Variants in MARCHF1 observed in about 807,000 individuals in gnomAD.
MARCHF1 encodes E3 ubiquitin-protein ligase MARCHF1.
A neutral mutation model predicts 54.2 loss-of-function variants in MARCHF1; 40 were observed. That is an observed-to-expected ratio of 0.74 (90% CI 0.57 to 0.96). The LOEUF (loss-of-function observed/expected upper bound fraction) is 0.96, where lower values mean the gene tolerates loss of function less well. MARCHF1 is among the 40% of genes least tolerant of loss of function. The pLI is 0.00. For synonymous variants in MARCHF1, 236 were observed against 236.3 expected, an observed-to-expected ratio of 1.00 and a Z score of 0.01; for missense variants, 586 against 656.5, an observed-to-expected ratio of 0.89 and a Z score of 1.17.
chr4:164,072,261 C>A (rs1283740869), intron 2 of MARCHF1, among the ~76,000 whole-genome samples: 1 of 152,170 alleles, frequency 6.6e-6, no homozygotes, highest in Admixed American at 6.5e-5. Context: ...TTCATGTTTT[C>A]TCATCAGTGT....
intron 4 of MARCHF1, among the ~76,000 whole-genome samples, chr4:163,838,584 G>A (rs538265126): frequency 6.6e-6 from 1 of 152,138 alleles, no homozygotes; most frequent in East Asian, 1.9e-4. Context: ...AAATGGCAGA[G>A]AGAAAATAAT....
intron 1 of MARCHF1, among the ~76,000 whole-genome samples, chr4:164,368,583 A>G (rs1294466893): frequency 6.6e-6 from 1 of 152,198 alleles, no homozygotes; most frequent in Non-Finnish European, 1.5e-5. Flanking sequence ...ATTTCTTGAT[A>G]TAGCTACAAC....
At chr4:164,323,754 T>C (rs1735203560) in intron 1 of MARCHF1, among the ~76,000 whole-genome samples, 1 of 151,636 alleles carries the variant, frequency 6.6e-6, no homozygotes, top group East Asian at 1.9e-4. Flanking sequence ...AATAACATAC[T>C]TCTTAGCAAC....
At chr4:164,015,609 C>A (rs778999727) in intron 2 of MARCHF1, among the ~76,000 whole-genome samples, 1 of 151,404 alleles carries the variant, frequency 6.6e-6, no homozygotes, top group Non-Finnish European at 1.5e-5. Context: ...AACTCAATAG[C>A]AAAACAAACA....
At chr4:163,646,861 C>G (rs1396350387) in intron 5 of MARCHF1, among the ~76,000 whole-genome samples, 1 of 152,004 alleles carries the variant, frequency 6.6e-6, no homozygotes, top group Non-Finnish European at 1.5e-5. Context: ...AAAAGATCCA[C>G]AAAACAATCT....
chr4:163,534,622 C>G (rs1260202431), intron 9 of MARCHF1, among the ~76,000 whole-genome samples: 1 of 151,946 alleles, frequency 6.6e-6, no homozygotes, highest in South Asian at 2.1e-4. Flanking sequence ...GAAAACAAAT[C>G]GTCAAGAAAA....
chr4:163,544,818 T>C (rs1182565946), intron 9 of MARCHF1, among the ~76,000 whole-genome samples: 2 of 152,198 alleles, frequency 1.3e-5, no homozygotes, highest in Admixed American at 1.3e-4. Flanking sequence ...CAATGTCTTT[T>C]CTAGAGGCAT....
At chr4:163,532,104 G>T (rs1376459992) in intron 9 of MARCHF1, among the ~76,000 whole-genome samples, 1 of 151,804 alleles carries the variant, frequency 6.6e-6, no homozygotes, top group Non-Finnish European at 1.5e-5. Flanking sequence ...TGATTCTAAA[G>T]TGTATATGGA....
chr4:164,065,648 T>C lies in MARCHF1; in HGVS notation c.-248+45940A>G, dbSNP rs1754710757. Among the ~76,000 whole-genome samples, 3 of 152,124 alleles carry C rather than the reference T, an allele frequency of 2.0e-5. No individual in the cohort carries two copies. The South Asian group carries it at 6.2e-4, about 31-fold the overall frequency. ...ATGATCACAAGGTGAAGTCCTATGA[T>C]AGGCCATCTGTAAGCTGAGGAAGAA... On this transcript the variant is annotated intron_variant, in intron 2 of 9. Coordinates refer to ENST00000514618, the MANE Select transcript of MARCHF1 (RefSeq NM_001394959.1).
chr4:163,937,605 G>A (rs1329995817), intron 3 of MARCHF1, among the ~76,000 whole-genome samples: 2 of 151,944 alleles, frequency 1.3e-5, no homozygotes, highest in African/African-American at 2.4e-5. Flanking sequence ...GGACTTGGAG[G>A]CATCCTAGGT....
At chr4:163,762,121 C>A (rs1450085582) in intron 4 of MARCHF1, among the ~76,000 whole-genome samples, 1 of 152,134 alleles carries the variant, frequency 6.6e-6, no homozygotes, top group African/African-American at 2.4e-5. Context: ...TGTATAATCC[C>A]AGGTTTGTTT....
chr4:163,620,832 G>A (rs1167455572), intron 5 of MARCHF1, among the ~76,000 whole-genome samples: 2 of 152,150 alleles, frequency 1.3e-5, no homozygotes, highest in Non-Finnish European at 2.9e-5. Flanking sequence ...TGTGAGTTGG[G>A]ATCATTGGAA....
intron 1 of MARCHF1, chr4:164,189,000 G>C (rs1731052332): frequency 1.4e-6 from 1 of 706,700 alleles, no homozygotes; most frequent in African/African-American, 1.8e-5. Context: ...GCTGCTATTG[G>C]TTATGGCCTG....
chr4:164,161,525 A>AATCATCATCATCATC (rs71600682), intron 1 of MARCHF1, among the ~76,000 whole-genome samples: 2 of 149,538 alleles, frequency 1.3e-5, no homozygotes, highest in Non-Finnish European at 3.0e-5. Context: ...GTGATATCAA[A>AATCATCATCATCATC]ATCATCATCA....
At chr4:163,705,158 G>A (rs1353084653) in intron 4 of MARCHF1, among the ~76,000 whole-genome samples, 2 of 151,648 alleles carry the variant, frequency 1.3e-5, no homozygotes, top group African/African-American at 4.8e-5. Context: ...CTCCTAAAAT[G>A]GATAAGGGCA....
chr4:163,987,086 A>G (rs1752884021), intron 3 of MARCHF1, among the ~76,000 whole-genome samples: 1 of 152,218 alleles, frequency 6.6e-6, no homozygotes, highest in Non-Finnish European at 1.5e-5. Context: ...AGAATTGATC[A>G]GTGTACCCCA....
intron 3 of MARCHF1, among the ~76,000 whole-genome samples, chr4:163,960,813 A>AT (rs912666723): frequency 9.4e-5 from 13 of 138,352 alleles, no homozygotes; most frequent in African/African-American, 2.7e-4. Context: ...AAAATAAAAG[A>AT]TAAAAAAAAA....
At chr4:164,037,444 A>G (rs907951867) in intron 2 of MARCHF1, among the ~76,000 whole-genome samples, 2 of 152,208 alleles carry the variant, frequency 1.3e-5, no homozygotes, top group African/African-American at 4.8e-5. Context: ...TATTTTAGTC[A>G]CCTTCCAACT....
chr4:164,137,876 C>G (rs1028344478), intron 1 of MARCHF1, among the ~76,000 whole-genome samples: 1 of 152,072 alleles, frequency 6.6e-6, no homozygotes, highest in East Asian at 1.9e-4. Context: ...GAACTGATAG[C>G]AGCAGATTTA....
Sources: allele counts gnomAD v4.1 joint callset (sites outside exome capture counted in the v4.1 genomes callset), GRCh38; gene constraint gnomAD v4.1.1; transcripts MANE v1.5; gene names NCBI Gene and HGNC (gene_info 2026-07-23, HGNC 2026-07-21).